PKN2: variants seen among roughly 807,000 people sequenced by gnomAD.
PKN2 encodes serine/threonine-protein kinase N2.
Under a neutral mutation model 119.1 loss-of-function variants are expected in PKN2, and 38 were observed. That is an observed-to-expected ratio of 0.32 (90% CI 0.25 to 0.42). The LOEUF (loss-of-function observed/expected upper bound fraction) is 0.42. Ranked by LOEUF, PKN2 falls within the 10% of genes least tolerant of loss-of-function variation. The pLI is 1.00. For missense variants in PKN2, 850 were observed against 1,165.1 expected (o/e 0.73, Z 3.94); for synonymous variants, 390 against 384.9 (o/e 1.01, Z -0.15).
chr1:88,740,544 A>G lies in PKN2; in HGVS notation c.49-444A>G, dbSNP rs777687750. On this transcript the variant is annotated intron_variant, in intron 1 of 21. Transcript: ENST00000370521. ...ACTTGTATTTAGAACTTCATTTACAATATTTGTGAATTATCACAGTATCTC... is the reference window on the plus strand; with the variant it reads ...ACTTGTATTTAGAACTTCATTTACAGTATTTGTGAATTATCACAGTATCTC... 4.2e-4 allele frequency among the ~76,000 whole-genome samples: 64 copies of G among 152,216 alleles called. No individual in the cohort carries two copies. In the Middle Eastern group the frequency reaches 0.01, roughly 24 times the overall value.
At chr1:88,710,057 C>G (rs899903868) in intron 1 of PKN2, among the ~76,000 whole-genome samples, 2 of 152,098 alleles carry the variant, frequency 1.3e-5, no homozygotes, top group Non-Finnish European at 2.9e-5. Flanking sequence ...TTGAGTCATG[C>G]TGAATTTGAA....
At chr1:88,812,461 C>CTCCA (rs1459193718) in intron 15 of PKN2, among the ~76,000 whole-genome samples, 9 of 152,128 alleles carry the variant, frequency 5.9e-5, no homozygotes, top group African/African-American at 2.2e-4. Flanking sequence ...TGGACAGGGG[C>CTCCA]TGGTATGGTG....
At chr1:88,710,608 T>C (rs979459128) in intron 1 of PKN2, among the ~76,000 whole-genome samples, 2 of 152,156 alleles carry the variant, frequency 1.3e-5, no homozygotes, top group East Asian at 1.9e-4. Flanking sequence ...TGAGATACCA[T>C]CTAAGACTAG....
chr1:88,719,510 A>T (rs1667584216), intron 1 of PKN2, among the ~76,000 whole-genome samples: 1 of 152,098 alleles, frequency 6.6e-6, no homozygotes. Context: ...GTTTTGTTGT[A>T]TACTTAAAAA....
At chr1:88,733,494 A>AAG (rs1466165770) in intron 1 of PKN2, among the ~76,000 whole-genome samples, 1 of 152,038 alleles carries the variant, frequency 6.6e-6, no homozygotes, top group Non-Finnish European at 1.5e-5. Context: ...TTTTTGGAGA[A>AAG]ATGTCTATGT....
At chr1:88,782,801 G>A (rs939342019) in intron 6 of PKN2, among the ~76,000 whole-genome samples, 3 of 152,052 alleles carry the variant, frequency 2.0e-5, no homozygotes, top group Non-Finnish European at 4.4e-5. Context: ...AATTTGTAAC[G>A]CAACCATAGA....
intron 8 of PKN2, among the ~76,000 whole-genome samples, chr1:88,795,576 C>T (rs1671030699): frequency 6.6e-6 from 1 of 152,142 alleles, no homozygotes; most frequent in Non-Finnish European, 1.5e-5. Flanking sequence ...CTAATTTAAT[C>T]CTCACAATAA....
At chr1:88,768,626 C>T (rs920764578) in intron 3 of PKN2, among the ~76,000 whole-genome samples, 3 of 152,200 alleles carry the variant, frequency 2.0e-5, no homozygotes, top group African/African-American at 7.2e-5. Flanking sequence ...TGCCATGTAA[C>T]GTAACTTACC....
intron 1 of PKN2, among the ~76,000 whole-genome samples, chr1:88,687,073 T>C (rs1057282780): frequency 6.6e-6 from 1 of 152,148 alleles, no homozygotes; most frequent in African/African-American, 2.4e-5. Context: ...TTTAGAAATA[T>C]ATCCAGCTTT....
At chr1:88,764,952 TCTCG>T (rs1669599844) in intron 3 of PKN2, among the ~76,000 whole-genome samples, 1 of 152,052 alleles carries the variant, frequency 6.6e-6, no homozygotes. Context: ...TGAGACAGAG[TCTCG>T]CTCTGTCGCC....
intron 1 of PKN2, among the ~76,000 whole-genome samples, chr1:88,689,029 T>A (rs1666227912): frequency 6.6e-6 from 1 of 152,192 alleles, no homozygotes; most frequent in Non-Finnish European, 1.5e-5. Context: ...ACTCATTTAA[T>A]GGAAAATGAG....
At chr1:88,700,971 G>A (rs554602603) in intron 1 of PKN2, among the ~76,000 whole-genome samples, 2 of 152,042 alleles carry the variant, frequency 1.3e-5, no homozygotes, top group Non-Finnish European at 2.9e-5. Context: ...CCCTTGGTAG[G>A]TACATAATTT....
At chr1:88,693,791 C>T (rs143012737) in intron 1 of PKN2, among the ~76,000 whole-genome samples, 1 of 152,326 alleles carries the variant, frequency 6.6e-6, no homozygotes, top group East Asian at 1.9e-4. Context: ...CTTAAAGTCT[C>T]AGTTCCAAGA....
chr1:88,783,643 T>C (rs1670446509), intron 6 of PKN2, among the ~76,000 whole-genome samples: 1 of 152,236 alleles, frequency 6.6e-6, no homozygotes, highest in South Asian at 2.1e-4. Context: ...TAAAATGTTA[T>C]TCATTGTACA....
chr1:88,825,928 T>G (rs1026409420), intron 18 of PKN2, among the ~76,000 whole-genome samples: 7 of 152,184 alleles, frequency 4.6e-5, no homozygotes, highest in African/African-American at 1.7e-4. Context: ...TTATAGTCTG[T>G]GTCCCTCTAG....
chr1:88,787,230 C>T (rs1670616355), intron 8 of PKN2, among the ~76,000 whole-genome samples: 1 of 151,968 alleles, frequency 6.6e-6, no homozygotes, highest in Non-Finnish European at 1.5e-5. Context: ...GAATGGAGAA[C>T]TACCTGGTTG....
At chr1:88,807,242 A>T in intron 12 of PKN2, 71 bp from the exon 13 acceptor site, 1 of 1,009,450 alleles carries the variant, frequency 9.9e-7, no homozygotes, top group African/African-American at 1.7e-5. Flanking sequence ...GTTTTTCCTT[A>T]ATTTTATCAT....
chr1:88,747,517 C>G (rs1301141438), intron 2 of PKN2, among the ~76,000 whole-genome samples: 5 of 152,018 alleles, frequency 3.3e-5, no homozygotes, highest in Non-Finnish European at 1.5e-5. Flanking sequence ...TAATCTAAGC[C>G]TTAGTTGGAA....
At chr1:88,685,080 C>T (rs568462274) in intron 1 of PKN2, 98 of 157,412 alleles carry the variant, frequency 6.2e-4, no homozygotes, top group African/African-American at 2.3e-3. Flanking sequence ...TTTCTTGTCC[C>T]TCCCCCTCCC....
Sources: gnomAD v4.1 joint callset for allele counts (sites outside exome capture counted in the v4.1 genomes callset) on GRCh38, gnomAD v4.1.1 for gene constraint, MANE v1.5 for transcripts, NCBI Gene and HGNC (gene_info 2026-07-23, HGNC 2026-07-21) for gene names.